Variants in NEK11 observed in about 807,000 individuals in gnomAD.
The protein encoded by NEK11 is NIMA related kinase 11.
NEK11 carries 72 observed loss-of-function variants against 80.7 expected under a neutral mutation model. The observed-to-expected ratio is 0.89, with a 90% CI of 0.74 to 1.08. NEK11 has a LOEUF of 1.08. NEK11 is among the 50% of genes least tolerant of loss of function. The pLI is 0.00. For missense variants in NEK11, 764 were observed against 763.6 expected, an observed-to-expected ratio of 1.00 and a Z score of -0.01; for synonymous variants, 251 against 260.7, an observed-to-expected ratio of 0.96 and a Z score of 0.36.
At chr3:131,281,420 T>C (rs772927777) in intron 17 of NEK11, among the ~76,000 whole-genome samples, 5 of 152,228 alleles carry the variant, frequency 3.3e-5, no homozygotes, top group Non-Finnish European at 5.9e-5. Flanking sequence ...AGCACAGTAG[T>C]ATATGGCAAT....
At chr3:131,208,661 C>G (rs2094516082) in intron 14 of NEK11, among the ~76,000 whole-genome samples, 1 of 152,096 alleles carries the variant, frequency 6.6e-6, no homozygotes, top group African/African-American at 2.4e-5. Context: ...TTGTAGTTCT[C>G]CATGAAGAGG....
intron 17 of NEK11, among the ~76,000 whole-genome samples, chr3:131,335,723 T>C (rs561313742): frequency 0.021 from 3,158 of 152,258 alleles, 107 homozygotes; most frequent in African/African-American, 0.071. Context: ...AAAACCCCAC[T>C]GTCTCAGCCC....
intron 7 of NEK11, among the ~76,000 whole-genome samples, chr3:131,146,244 A>T (rs2088236880): frequency 1.3e-5 from 2 of 152,016 alleles, no homozygotes; most frequent in African/African-American, 4.8e-5. Flanking sequence ...TGGACTTGCA[A>T]ATTTGATTTC....
intron 16 of NEK11, among the ~76,000 whole-genome samples, chr3:131,267,834 G>A (rs902212151): frequency 2.0e-5 from 3 of 152,048 alleles, no homozygotes; most frequent in Non-Finnish European, 1.5e-5. Context: ...GCTAGGTTGG[G>A]GAAGTTCTCC....
intron 14 of NEK11, among the ~76,000 whole-genome samples, chr3:131,220,444 A>G (rs1451123822): frequency 2.0e-5 from 3 of 152,220 alleles, no homozygotes; most frequent in African/African-American, 7.2e-5. Context: ...GTTAATACAA[A>G]TAATAACTGT....
chr3:131,178,213 G>T (rs1177012530), intron 14 of NEK11, among the ~76,000 whole-genome samples: 1 of 152,104 alleles, frequency 6.6e-6, no homozygotes, highest in Non-Finnish European at 1.5e-5. Context: ...GAAGGTCTAG[G>T]ATATTCACTA....
At chr3:131,158,358 G>A (rs1199503521) in intron 10 of NEK11, among the ~76,000 whole-genome samples, 1 of 152,096 alleles carries the variant, frequency 6.6e-6, no homozygotes, top group Non-Finnish European at 1.5e-5. Context: ...CTGCCAGCGT[G>A]CATGTGCATG....
At chr3:131,166,951 C>G (rs2092291986) in intron 12 of NEK11, among the ~76,000 whole-genome samples, 1 of 152,184 alleles carries the variant, frequency 6.6e-6, no homozygotes, top group Admixed American at 6.5e-5. Flanking sequence ...GCTTTGTCCC[C>G]CTGCAGTGCT....
intron 17 of NEK11, chr3:131,327,500 T>C (rs1403033133): frequency 6.6e-6 from 1 of 152,234 alleles, no homozygotes; most frequent in African/African-American, 2.4e-5. Context: ...CTGAGGAGTC[T>C]GAGAATCCTG....
At chr3:131,155,437 T>G (rs2090489059) in intron 10 of NEK11, among the ~76,000 whole-genome samples, 1 of 152,214 alleles carries the variant, frequency 6.6e-6, no homozygotes, top group South Asian at 2.1e-4. Context: ...GAGCCTTCCA[T>G]AATAACCATA....
At chr3:131,171,676 G>T (rs2092702899) in intron 14 of NEK11, among the ~76,000 whole-genome samples, 1 of 152,200 alleles carries the variant, frequency 6.6e-6, no homozygotes, top group African/African-American at 2.4e-5. Flanking sequence ...GTGGCATGTG[G>T]AGTGGTCTTA....
intron 17 of NEK11, among the ~76,000 whole-genome samples, chr3:131,338,613 T>C (rs1026790352): frequency 7.9e-5 from 12 of 152,192 alleles, no homozygotes; most frequent in Non-Finnish European, 4.4e-5. Flanking sequence ...CAGCTATGAA[T>C]GGATAAACCA....
intron 15 of NEK11, among the ~76,000 whole-genome samples, chr3:131,233,747 T>A (rs1237632891): frequency 6.6e-6 from 1 of 152,226 alleles, no homozygotes. Flanking sequence ...GTATTTCAGA[T>A]ACATATTTTT....
intron 4 of NEK11, among the ~76,000 whole-genome samples, chr3:131,087,801 A>G (rs1337188926): frequency 6.6e-6 from 1 of 152,174 alleles, no homozygotes; most frequent in African/African-American, 2.4e-5. Flanking sequence ...GTAGAACTTC[A>G]TATTGGGTGT....
intron 17 of NEK11, among the ~76,000 whole-genome samples, chr3:131,319,706 T>A (rs2096878414): frequency 6.6e-6 from 1 of 152,160 alleles, no homozygotes; most frequent in African/African-American, 2.4e-5. Flanking sequence ...ACCATTTATA[T>A]CTACCTTTCT....
At chr3:131,163,808 T>G (rs1392472649) in intron 11 of NEK11, among the ~76,000 whole-genome samples, 1 of 152,204 alleles carries the variant, frequency 6.6e-6, no homozygotes, top group Non-Finnish European at 1.5e-5. Context: ...GTCAATTAAA[T>G]TTTAATAAAG....
At chr3:131,131,222 T>TTA (rs2084416342) in intron 5 of NEK11, among the ~76,000 whole-genome samples, 9 of 152,264 alleles carry the variant, frequency 5.9e-5, no homozygotes, top group Non-Finnish European at 1.2e-4. Context: ...AATGTTAGGA[T>TTA]GATGCTGACA....
At chr3:131,327,058 C>T (rs533014927) in intron 17 of NEK11, 29 of 152,594 alleles carry the variant, frequency 1.9e-4, no homozygotes, top group African/African-American at 6.7e-4. Context: ...CTGCTAGCAC[C>T]TTGACCTGGA....
At chr3:131,269,591 TGGTACCTCAG>T in intron 16 of NEK11, among the ~76,000 whole-genome samples, 1 of 152,192 alleles carries the variant, frequency 6.6e-6, no homozygotes, top group East Asian at 1.9e-4. Flanking sequence ...GAGATGAGCT[TGGTACCTCAG>T]TTGGAAATGG....
Sources: allele counts gnomAD v4.1 joint callset (sites outside exome capture counted in the v4.1 genomes callset), GRCh38; gene constraint gnomAD v4.1.1; transcripts MANE v1.5; gene names NCBI Gene and HGNC (gene_info 2026-07-23, HGNC 2026-07-21).